Variants in TRPC7 observed in about 807,000 individuals in gnomAD.
TRPC7 encodes short transient receptor potential channel 7.
TRPC7 carries 42 observed loss-of-function variants against 90.1 expected under a neutral mutation model. That is an observed-to-expected ratio of 0.47 (90% confidence interval 0.36 to 0.60). The LOEUF (loss-of-function observed/expected upper bound fraction) is 0.60. TRPC7 is among the 20% of genes least tolerant of loss of function. The pLI is 0.00. For missense variants in TRPC7, 955 were observed against 1,112.3 expected (o/e 0.86, Z 2.01); for synonymous variants, 451 against 436.3 (o/e 1.03, Z -0.42).
At chr5:136,285,004 T>C (rs1350674793) in intron 3 of TRPC7, among the ~76,000 whole-genome samples, 3 of 152,200 alleles carry the variant, frequency 2.0e-5, no homozygotes, top group Non-Finnish European at 4.4e-5. Context: ...ATGAGTATAT[T>C]CAAAGCACTT....
chr5:136,227,292 T>C (rs932699032), intron 8 of TRPC7, among the ~76,000 whole-genome samples: 3 of 152,200 alleles, frequency 2.0e-5, no homozygotes, highest in African/African-American at 7.2e-5. Context: ...TGTAAACAGA[T>C]GGACCTGGGC....
At chr5:136,233,932 A>G (rs181098392) in intron 7 of TRPC7, among the ~76,000 whole-genome samples, 1 of 152,286 alleles carries the variant, frequency 6.6e-6, no homozygotes, top group African/African-American at 2.4e-5. Context: ...ATTCTATATC[A>G]ATAATCTGAA....
intron 3 of TRPC7, among the ~76,000 whole-genome samples, chr5:136,292,495 A>G (rs534358401): frequency 6.6e-6 from 1 of 152,244 alleles, no homozygotes; most frequent in Non-Finnish European, 1.5e-5. Context: ...ACAAACTACC[A>G]TCAGAGAATA....
chr5:136,258,770 G>C (rs1382872049), intron 5 of TRPC7, among the ~76,000 whole-genome samples: 1 of 152,182 alleles, frequency 6.6e-6, no homozygotes, highest in East Asian at 1.9e-4. Context: ...AGTCCTGTGA[G>C]ACTTAAGTAT....
chr5:136,330,616 T>C (rs1759470066), intron 2 of TRPC7, among the ~76,000 whole-genome samples: 2 of 152,230 alleles, frequency 1.3e-5, no homozygotes. Context: ...TGAGGGCCTC[T>C]TGTTAAAAGG....
intron 7 of TRPC7, among the ~76,000 whole-genome samples, chr5:136,240,075 T>C (rs1756112148): frequency 6.6e-6 from 1 of 152,270 alleles, no homozygotes; most frequent in South Asian, 2.1e-4. Flanking sequence ...TCAGGACTTA[T>C]GAAGTGCTTC....
At chr5:136,293,599 C>T (rs1422539673) in intron 3 of TRPC7, among the ~76,000 whole-genome samples, 3 of 152,134 alleles carry the variant, frequency 2.0e-5, no homozygotes, top group Non-Finnish European at 4.4e-5. Context: ...TGAAGGACCT[C>T]TTCAAGGAGA....
In TRPC7 at chr5:136,309,038, G is replaced by C. The variant is rs147410935; in HGVS notation, c.963+6559C>G. 2.7e-3 allele frequency among the ~76,000 whole-genome samples: 417 copies of C among 152,316 alleles called. 3 individuals are homozygous for C. The highest frequency in any genetic ancestry group is 4.4e-3 in the Non-Finnish European group (297 of 68,020). On this transcript the variant is annotated intron_variant, in intron 3 of 11. Transcript: ENST00000513104. ...AGGGACTTCTGATAGAGTAAGAGGT[G>C]CTGGCCCAACTGTAGAGCTAGGGGC...
At chr5:136,357,427 T>C (rs763430337) in intron 1 of TRPC7, 42 bp from the exon 2 acceptor site, 2 of 1,543,154 alleles carry the variant, frequency 1.3e-6, no homozygotes, top group Non-Finnish European at 1.7e-6. Flanking sequence ...TTCCTGCGGA[T>C]TCCCTAGCAG....
chr5:136,241,001 G>C (rs1756145986), intron 7 of TRPC7, among the ~76,000 whole-genome samples: 1 of 152,062 alleles, frequency 6.6e-6, no homozygotes, highest in Non-Finnish European at 1.5e-5. Context: ...GTGGCAGGTG[G>C]GGGTGTGTGG....
intron 2 of TRPC7, among the ~76,000 whole-genome samples, chr5:136,340,509 A>T (rs1759813104): frequency 6.6e-6 from 1 of 152,202 alleles, no homozygotes; most frequent in Non-Finnish European, 1.5e-5. Context: ...ACCTGATTTG[A>T]TCATTATATA....
intron 2 of TRPC7, among the ~76,000 whole-genome samples, chr5:136,334,799 T>C (rs932560707): frequency 6.6e-6 from 1 of 152,246 alleles, no homozygotes; most frequent in Admixed American, 6.5e-5. Context: ...ATCTTATTTA[T>C]AAGGAAGCTG....
rs1757306261 is a variant in TRPC7 at position 136,274,723 on chromosome 5, T to A, written c.1078A>T (p.Ile360Leu). 2 of 1,613,182 alleles carry A rather than the reference T, an allele frequency of 1.2e-6. No homozygotes were observed. Among genetic ancestry groups the A allele is most frequent in the Admixed American group, 1.7e-5 (1 of 59,930 alleles). ...VKFLAVFGVS[I>L]GLPFLAIAYW... Reference sequence around the variant, plus strand: ...GCTATGGCGAGAAAAGGGAGGCCTATGGAGACTCCAAAGACAGCCAGGAAT... The same window carrying A: ...GCTATGGCGAGAAAAGGGAGGCCTAAGGAGACTCCAAAGACAGCCAGGAAT... The change falls in exon 4 of 12, where the codon ATA (isoleucine) becomes TTA (leucine). Residue 360 changes from isoleucine to leucine, a missense_variant. Around this residue, in one of 4 missense-constraint regions of TRPC7, gnomAD observed 484 missense variants for 509.6 expected, o/e 0.95. Coordinates refer to ENST00000513104, the MANE Select transcript of TRPC7 (RefSeq NM_020389.3).
At chr5:136,295,517 C>T (rs1347555106) in intron 3 of TRPC7, among the ~76,000 whole-genome samples, 3 of 152,008 alleles carry the variant, frequency 2.0e-5, no homozygotes, top group Non-Finnish European at 2.9e-5. Flanking sequence ...CCCAATAGTC[C>T]CCAGTGCCCC....
Position 136,365,239 on chromosome 5 carries a change from T to C in TRPC7, c.2+14A>G. The C allele has an allele frequency of 1.3e-6, 2 of 1,536,964 alleles. No individual in the cohort carries two copies. Among genetic ancestry groups the C allele is most frequent in the Non-Finnish European group, 1.7e-6 (2 of 1,146,782 alleles). ...AAAAAAAATCAATATGAAAGAACCATCATAGCTGCTTACATTGAGGGTGTA... is the reference window on the plus strand; with the variant it reads ...AAAAAAAATCAATATGAAAGAACCACCATAGCTGCTTACATTGAGGGTGTA... On this transcript the variant is annotated intron_variant, in intron 1 of 11. Coordinates refer to ENST00000513104, the MANE Select transcript of TRPC7 (RefSeq NM_020389.3).
chr5:136,240,656 T>C lies in TRPC7; in HGVS notation c.1844+6815A>G, dbSNP rs1756133744. On this transcript the variant is annotated intron_variant, in intron 7 of 11. Coordinates refer to ENST00000513104, the MANE Select transcript of TRPC7 (RefSeq NM_020389.3). ...GAGTCTTAGCATCCATCTCAAAGTGTAGGCCCTAGTGTGAGTGATGGAAAT... is the reference window on the plus strand; with the variant it reads ...GAGTCTTAGCATCCATCTCAAAGTGCAGGCCCTAGTGTGAGTGATGGAAAT... 3.3e-5 allele frequency among the ~76,000 whole-genome samples: 5 copies of C among 152,174 alleles called. No individual in the cohort carries two copies. In the South Asian group the frequency reaches 1.0e-3, roughly 32 times the overall value.
chr5:136,349,918 T>C (rs1274542823), intron 2 of TRPC7, among the ~76,000 whole-genome samples: 4 of 152,222 alleles, frequency 2.6e-5, no homozygotes, highest in Non-Finnish European at 5.9e-5. Flanking sequence ...TTTTATGTGG[T>C]ATTTTACTGT....
At chr5:136,308,696 A>G (rs1308292796) in intron 3 of TRPC7, among the ~76,000 whole-genome samples, 1 of 152,210 alleles carries the variant, frequency 6.6e-6, no homozygotes, top group African/African-American at 2.4e-5. Flanking sequence ...GATGTCAGCC[A>G]GTTGTGCAGC....
chr5:136,216,145 C>G (rs1271824731), intron 11 of TRPC7, 55 bp downstream of exon 11: 2 of 1,464,796 alleles, frequency 1.4e-6, no homozygotes, highest in Non-Finnish European at 1.9e-6. Context: ...CCAGTGAGAC[C>G]CACAGAACCT....
Sources: allele counts gnomAD v4.1 joint callset (sites outside exome capture counted in the v4.1 genomes callset), GRCh38; gene constraint gnomAD v4.1.1; regional missense constraint gnomAD v4.1.1; transcripts MANE v1.5; gene names NCBI Gene and HGNC (gene_info 2026-07-23, HGNC 2026-07-21).